MAPK10: variants seen among roughly 807,000 people sequenced by gnomAD.
MAPK10 encodes JNK3 alpha protein kinase.
MAPK10 carries 25 observed loss-of-function variants against 59.3 expected under a neutral mutation model. The observed-to-expected ratio is 0.42, with a 90% CI of 0.31 to 0.59. The LOEUF is 0.59. Ranked by LOEUF, MAPK10 falls within the 20% of genes least tolerant of loss-of-function variation. The probability of loss-of-function intolerance (pLI) is 0.15; values close to 1 mark genes in which losing one functional copy is unlikely to be tolerated. For missense variants in MAPK10, 351 were observed against 568.9 expected, an observed-to-expected ratio of 0.62 and a Z score of 3.90; for synonymous variants, 190 against 200.5, an observed-to-expected ratio of 0.95 and a Z score of 0.44.
intron 2 of MAPK10, among the ~76,000 whole-genome samples, chr4:86,263,463 G>A (rs1023559380): frequency 1.3e-5 from 2 of 152,092 alleles, no homozygotes; most frequent in African/African-American, 2.4e-5. Context: ...AGCTGGAATC[G>A]CCTTTAACCC....
At chr4:86,232,824 T>C (rs1319859333) in intron 2 of MAPK10, among the ~76,000 whole-genome samples, 1 of 152,184 alleles carries the variant, frequency 6.6e-6, no homozygotes, top group Non-Finnish European at 1.5e-5. Context: ...TTTCTCTTCC[T>C]CTTCTATTTA....
intron 2 of MAPK10, among the ~76,000 whole-genome samples, chr4:86,205,884 A>C (rs1481021209): frequency 6.6e-6 from 1 of 152,128 alleles, no homozygotes; most frequent in East Asian, 1.9e-4. Flanking sequence ...AAACAAGAAA[A>C]AGAGGCATTC....
chr4:86,538,302 A>G (rs970121776), intron 1 of MAPK10, among the ~76,000 whole-genome samples: 1 of 152,128 alleles, frequency 6.6e-6, no homozygotes, highest in East Asian at 1.9e-4. Context: ...ATGTACCACC[A>G]TGCCTAGCTA....
At chr4:86,091,337 T>A (rs903189035) in intron 9 of MAPK10, 1 of 151,682 alleles carries the variant, frequency 6.6e-6, no homozygotes, top group African/African-American at 2.4e-5. Flanking sequence ...CAATCTATTT[T>A]ATTGTTGAAA....
chr4:86,505,644 C>T (rs1755687843), intron 1 of MAPK10, among the ~76,000 whole-genome samples: 1 of 152,120 alleles, frequency 6.6e-6, no homozygotes, highest in African/African-American at 2.4e-5. Context: ...CCTGCGAAGA[C>T]ATGAGAGCCT....
intron 1 of MAPK10, among the ~76,000 whole-genome samples, chr4:86,376,229 C>A (rs1209131521): frequency 1.3e-5 from 2 of 152,084 alleles, no homozygotes; most frequent in Admixed American, 6.6e-5. Flanking sequence ...TTTTCTTCTC[C>A]CCACTCAAAA....
intron 4 of MAPK10, among the ~76,000 whole-genome samples, chr4:86,145,361 C>CAAAAA (rs1166418131): frequency 3.6e-5 from 2 of 55,338 alleles, no homozygotes; most frequent in Non-Finnish European, 7.4e-5. Context: ...GACACCGTCT[C>CAAAAA]AAAAAAAAAA....
chr4:86,577,765 A>G (rs1459705024), intron 1 of MAPK10, among the ~76,000 whole-genome samples: 2 of 152,206 alleles, frequency 1.3e-5, no homozygotes, highest in Non-Finnish European at 2.9e-5. Context: ...ATAAAGGCTG[A>G]ATATTGACAA....
intron 1 of MAPK10, among the ~76,000 whole-genome samples, chr4:86,561,089 T>C (rs1336354896): frequency 6.6e-6 from 1 of 152,204 alleles, no homozygotes; most frequent in East Asian, 1.9e-4. Flanking sequence ...CCATCAGGCA[T>C]TGGATTCTCC....
intron 1 of MAPK10, among the ~76,000 whole-genome samples, chr4:86,431,797 A>G (rs1030807447): frequency 1.3e-5 from 2 of 152,212 alleles, no homozygotes; most frequent in Non-Finnish European, 2.9e-5. Context: ...AAACATGTGC[A>G]TTCGCATTGA....
chr4:86,187,726 T>C (rs2078602925), intron 3 of MAPK10, among the ~76,000 whole-genome samples: 1 of 152,156 alleles, frequency 6.6e-6, no homozygotes, highest in Non-Finnish European at 1.5e-5. Flanking sequence ...CTAACTTAAA[T>C]GAATTAGAAA....
chr4:86,130,701 A>C (rs1020745572), intron 4 of MAPK10, among the ~76,000 whole-genome samples: 6 of 152,166 alleles, frequency 3.9e-5, no homozygotes, highest in Non-Finnish European at 8.8e-5. Flanking sequence ...TTCATTTCTG[A>C]TAGACTTTAG....
At chr4:86,061,092 A>G (rs748259506) in intron 11 of MAPK10, among the ~76,000 whole-genome samples, 4 of 152,230 alleles carry the variant, frequency 2.6e-5, no homozygotes, top group African/African-American at 7.2e-5. Flanking sequence ...TATGCTGTAC[A>G]TATGATAAGA....
chr4:86,455,256 T>C (rs1579283121), upstream of MAPK10, among the ~76,000 whole-genome samples: 1 of 151,540 alleles, frequency 6.6e-6, no homozygotes, highest in East Asian at 1.9e-4. Flanking sequence ...AGGCAACAAA[T>C]AGCACAATGA....
At chr4:86,399,256 C>T (rs921062237) in intron 1 of MAPK10, among the ~76,000 whole-genome samples, 7 of 152,142 alleles carry the variant, frequency 4.6e-5, no homozygotes, top group South Asian at 2.1e-4. Context: ...TCCACAGCCT[C>T]GCCAACATCT....
intron 2 of MAPK10, among the ~76,000 whole-genome samples, chr4:86,291,007 G>A (rs1174593517): frequency 6.6e-6 from 1 of 152,114 alleles, no homozygotes; most frequent in Non-Finnish European, 1.5e-5. Context: ...ACTCAGTCTG[G>A]TGGTGACTGA....
intron 2 of MAPK10, among the ~76,000 whole-genome samples, chr4:86,223,141 T>C (rs1180927603): frequency 2.0e-5 from 3 of 152,246 alleles, no homozygotes; most frequent in African/African-American, 7.2e-5. Context: ...CTTTTTATCA[T>C]GTTAAACTTA....
chr4:86,101,443 C>G (rs1361982615), intron 7 of MAPK10: 2 of 473,106 alleles, frequency 4.2e-6, no homozygotes, highest in Admixed American at 3.4e-5. Context: ...ACAATTTACA[C>G]TAATCTTGGG....
At chr4:86,582,503 C>T (rs1379781733) in intron 1 of MAPK10, among the ~76,000 whole-genome samples, 2 of 152,122 alleles carry the variant, frequency 1.3e-5, no homozygotes, top group African/African-American at 4.8e-5. Flanking sequence ...ATGATCATAT[C>T]AAATAACTAC....
Sources: gnomAD v4.1 joint callset for allele counts (sites outside exome capture counted in the v4.1 genomes callset) on GRCh38, gnomAD v4.1.1 for gene constraint, MANE v1.5 for transcripts, NCBI Gene and HGNC (gene_info 2026-07-23, HGNC 2026-07-21) for gene names.